TBC1D12: variants seen among roughly 807,000 people sequenced by gnomAD.
TBC1D12 encodes TBC1 domain family member 12.
Under a neutral mutation model 86.7 loss-of-function variants are expected in TBC1D12, and 56 were observed. The observed-to-expected ratio is 0.65, with a 90% CI of 0.52 to 0.81. The LOEUF is 0.81. TBC1D12 is among the 30% of genes least tolerant of loss of function. TBC1D12 has a pLI of 0.00. For missense variants in TBC1D12, 1,023 were observed against 1,038.8 expected, an observed-to-expected ratio of 0.98 and a Z score of 0.21; for synonymous variants, 421 against 411.7, an observed-to-expected ratio of 1.02 and a Z score of -0.27.
At chr10:94,531,881 G>GTTATGTTATGTTATGTTATT (rs1564997001) in intron 12 of TBC1D12, among the ~76,000 whole-genome samples, 31 of 147,680 alleles carry the variant, frequency 2.1e-4, no homozygotes, top group African/African-American at 5.7e-4. Flanking sequence ...GTTATGTTAT[G>GTTATGTTATGTTATGTTATT]TTATGTTATG....
At chr10:94,476,363 A>C (rs1440177213) in intron 3 of TBC1D12, among the ~76,000 whole-genome samples, 3 of 152,162 alleles carry the variant, frequency 2.0e-5, no homozygotes, top group Non-Finnish European at 4.4e-5. Context: ...CTCCTCTTTT[A>C]GGATTTGATG....
chr10:94,493,460 A>G lies in TBC1D12; in HGVS notation c.1294+13A>G. 6.3e-7 allele frequency: 1 copy of G among 1,581,950 alleles called. No individual in the cohort carries two copies. The highest frequency in any genetic ancestry group is 1.4e-5 in the African/African-American group (1 of 73,952). On this transcript the variant is annotated intron_variant, in intron 4 of 12. Transcript: ENST00000225235. ...GCTAAAAAACGAGGTATAAAATTTAACTCCAAATGGTATAATTTTCTGATT... is the reference window on the plus strand; with the variant it reads ...GCTAAAAAACGAGGTATAAAATTTAGCTCCAAATGGTATAATTTTCTGATT...
chr10:94,447,723 A>G (rs2134099461), intron 2 of TBC1D12: 1 of 977,530 alleles, frequency 1.0e-6, no homozygotes, highest in Non-Finnish European at 1.2e-6. Flanking sequence ...TTTCAGTTAT[A>G]TCGTAGTTCA....
At chr10:94,518,216 CTTTTTCTTTTT>C (rs1199365876) in intron 9 of TBC1D12, among the ~76,000 whole-genome samples, 1 of 151,178 alleles carries the variant, frequency 6.6e-6, no homozygotes, top group African/African-American at 2.4e-5. Flanking sequence ...TTTTTCTTTT[CTTTTTCTTTTT>C]TTTTGAAATA....
At chr10:94,517,752 T>C (rs1842037579) in intron 9 of TBC1D12, among the ~76,000 whole-genome samples, 1 of 152,246 alleles carries the variant, frequency 6.6e-6, no homozygotes, top group South Asian at 2.1e-4. Flanking sequence ...ACTATGTTAA[T>C]GAATAACATA....
chr10:94,498,280 A>C (rs2056350518), intron 5 of TBC1D12, among the ~76,000 whole-genome samples: 1 of 152,192 alleles, frequency 6.6e-6, no homozygotes, highest in Non-Finnish European at 1.5e-5. Flanking sequence ...AATCAAGGAA[A>C]TATGTATGAT....
intron 9 of TBC1D12, among the ~76,000 whole-genome samples, chr10:94,516,686 C>G (rs570355695): frequency 6.7e-6 from 1 of 150,110 alleles, no homozygotes; most frequent in Non-Finnish European, 1.5e-5. Flanking sequence ...TTTGTTCTTG[C>G]GAACAGTTTG....
intron 11 of TBC1D12, among the ~76,000 whole-genome samples, chr10:94,527,422 T>G (rs1442732123): frequency 6.6e-6 from 1 of 151,514 alleles, no homozygotes; most frequent in African/African-American, 2.4e-5. Flanking sequence ...TGTTGAGATA[T>G]TTAAGTTCCT....
At chr10:94,442,724 A>G (rs1357976148) in intron 2 of TBC1D12, among the ~76,000 whole-genome samples, 1 of 152,184 alleles carries the variant, frequency 6.6e-6, no homozygotes, top group Non-Finnish European at 1.5e-5. Flanking sequence ...CATATAGTAC[A>G]TTTCCTATTT....
chr10:94,407,882 C>T (rs1451275201), intron 1 of TBC1D12, among the ~76,000 whole-genome samples: 1 of 151,770 alleles, frequency 6.6e-6, no homozygotes, highest in Non-Finnish European at 1.5e-5. Context: ...AGGAGGATTG[C>T]CTGAGTCCAA....
chr10:94,468,045 C>T (rs949064586), intron 2 of TBC1D12, among the ~76,000 whole-genome samples: 5 of 152,178 alleles, frequency 3.3e-5, no homozygotes, highest in African/African-American at 1.2e-4. Flanking sequence ...AACTGCAACA[C>T]TAGGGCTTTT....
intron 1 of TBC1D12, among the ~76,000 whole-genome samples, chr10:94,434,515 A>AAAAAAG (rs2055268384): frequency 6.6e-6 from 1 of 151,978 alleles, no homozygotes; most frequent in African/African-American, 2.4e-5. Flanking sequence ...AAAAAAAAAA[A>AAAAAAG]AAAAAGAAAA....
intron 1 of TBC1D12, among the ~76,000 whole-genome samples, chr10:94,437,515 A>G (rs1328218710): frequency 6.6e-6 from 1 of 151,876 alleles, no homozygotes; most frequent in Non-Finnish European, 1.5e-5. Flanking sequence ...TTTAGTAGAG[A>G]TGGGGTTTCA....
Position 94,403,398 on chromosome 10 carries a change from C to G in TBC1D12, c.785C>G (p.Pro262Arg), listed in dbSNP as rs777562448. The change falls in exon 1 of 13, where the codon CCG (proline) becomes CGG (arginine). Residue 262 changes from proline (P) to arginine (R), a missense_variant. Coordinates refer to ENST00000225235, the MANE Select transcript of TBC1D12 (RefSeq NM_015188.2). ...SAERTNGGAE[P>R]RLGFSDIHFN... is the part of the protein sequence containing the mutation. ...GAGAGGACTAATGGGGGTGCGGAGC[C>G]GCGCCTGGGCTTTTCTGACATTCAC... 6.1e-5 allele frequency: 94 copies of G among 1,546,334 alleles called. No homozygotes were observed. The highest frequency in any genetic ancestry group is 7.8e-5 in the Admixed American group (4 of 51,156).
intron 3 of TBC1D12, among the ~76,000 whole-genome samples, chr10:94,479,336 GTAAA>G (rs1178586764): frequency 6.6e-6 from 1 of 151,930 alleles, no homozygotes; most frequent in Non-Finnish European, 1.5e-5. Context: ...CTTCTTTACA[GTAAA>G]TAAAGTTTTT....
chr10:94,493,302 A>G, intron 3 of TBC1D12, 63 bp from the exon 4 acceptor site: 1 of 1,291,464 alleles, frequency 7.7e-7, no homozygotes, highest in Non-Finnish European at 1.1e-6. Flanking sequence ...AAAACAAATA[A>G]GTTAGTAAGT....
intron 2 of TBC1D12, among the ~76,000 whole-genome samples, chr10:94,467,974 A>G (rs2055849318): frequency 6.6e-6 from 1 of 152,238 alleles, no homozygotes; most frequent in African/African-American, 2.4e-5. Flanking sequence ...TATAGCTCTG[A>G]CTTTGCAGAC....
At chr10:94,489,904 C>T (rs536058030) in intron 3 of TBC1D12, among the ~76,000 whole-genome samples, 2 of 152,148 alleles carry the variant, frequency 1.3e-5, no homozygotes, top group Non-Finnish European at 2.9e-5. Context: ...CAAAAATCAC[C>T]TATCACAGAT....
chr10:94,531,709 TTTATGTTATTTTATGTTATTTTATG>T (rs1564996665), intron 12 of TBC1D12, among the ~76,000 whole-genome samples: 1 of 81,924 alleles, frequency 1.2e-5, no homozygotes, highest in Non-Finnish European at 2.6e-5. Context: ...GTTATGTTAT[TTTATGTTATTTTATGTTATTTTATG>T]TTATGTTATT....
Sources: gnomAD v4.1 joint callset for allele counts (sites outside exome capture counted in the v4.1 genomes callset) on GRCh38, gnomAD v4.1.1 for gene constraint, MANE v1.5 for transcripts, NCBI Gene and HGNC (gene_info 2026-07-23, HGNC 2026-07-21) for gene names.